WRAP53: variants seen among roughly 807,000 people sequenced by gnomAD.
WRAP53 encodes telomerase Cajal body protein 1.
A neutral mutation model predicts 56.6 loss-of-function variants in WRAP53; 28 were observed. The observed-to-expected ratio is 0.50, with a 90% confidence interval of 0.37 to 0.68. WRAP53 has a LOEUF of 0.68. WRAP53 is among the 30% of genes least tolerant of loss of function. WRAP53 has a pLI of 0.00. For synonymous variants in WRAP53, 283 were observed against 283.4 expected (o/e 1.00, Z 0.01); for missense variants, 671 against 715.5 (o/e 0.94, Z 0.71).
intron 4 of WRAP53, among the ~76,000 whole-genome samples, chr17:7,692,297 T>G (rs1008256065): frequency 6.6e-6 from 1 of 151,668 alleles, no homozygotes; most frequent in Non-Finnish European, 1.5e-5. Flanking sequence ...CTGGCCAACA[T>G]GGTAAAACCC....
intron 4 of WRAP53, among the ~76,000 whole-genome samples, chr17:7,691,770 C>T (rs1289109633): frequency 6.6e-6 from 1 of 151,834 alleles, no homozygotes; most frequent in Non-Finnish European, 1.5e-5. Context: ...GGTGATCCAC[C>T]TGCCTCAGCC....
At chr17:7,696,573 C>G (rs1467813494) in intron 4 of WRAP53, among the ~76,000 whole-genome samples, 1 of 152,170 alleles carries the variant, frequency 6.6e-6, no homozygotes, top group Non-Finnish European at 1.5e-5. Flanking sequence ...GCTGGGATTA[C>G]TGGCGTGAGC....
Position 7,701,565 on chromosome 17 carries a change from C to T in WRAP53, c.822+16C>T. The T allele has an allele frequency of 1.2e-6, 2 of 1,614,246 alleles. No homozygotes were observed. Among genetic ancestry groups the T allele is most frequent in the Non-Finnish European group, 8.5e-7 (1 of 1,180,024 alleles). On this transcript the variant is annotated intron_variant, in intron 6 of 10. Coordinates refer to ENST00000396463, the MANE Select transcript of WRAP53 (RefSeq NM_001143992.2). The surrounding 1 kb of genome is among the most constrained non-coding windows in gnomAD (Gnocchi z 4.2). ...CAACCACCTGGTAGGGACCGCCATA[C>T]TCAGCCCCAGCACTCGTACTGGCCC...
chr17:7,689,289 C>T lies in WRAP53; in HGVS notation c.497C>T (p.Thr166Ile), dbSNP rs1443516115. 1.9e-6 allele frequency: 3 copies of T among 1,614,086 alleles called. No individual in the cohort carries two copies. In the South Asian group the frequency reaches 3.3e-5, roughly 18 times the overall value. Residue 166 changes from threonine (T) to isoleucine (I), a missense_variant, in exon 3 of 11, where the codon ACC becomes ATC. Transcript: ENST00000396463. Reference protein sequence around the residue: ...FLSGSWSEFSTQPENFLKGCK... With the variant: ...FLSGSWSEFSIQPENFLKGCK... Reference sequence around the variant, plus strand: ...AGTGGTTCCTGGTCAGAGTTCAGCACCCAACCTGAGAACTTCTTGAAAGGC... The same window carrying T: ...AGTGGTTCCTGGTCAGAGTTCAGCATCCAACCTGAGAACTTCTTGAAAGGC...
chr17:7,687,590 C>T, upstream of WRAP53: 1 of 398,826 alleles, frequency 2.5e-6, no homozygotes, highest in East Asian at 3.6e-5. Flanking sequence ...GGACAGTCGC[C>T]ATGACAAGTA....
upstream of WRAP53, chr17:7,687,045 T>C (rs2074007560): frequency 2.9e-6 from 1 of 339,882 alleles, no homozygotes; most frequent in Non-Finnish European, 5.3e-6. Flanking sequence ...GTGCATCTTT[T>C]ATTTCAGGGA....
rs1189661736 is a variant in WRAP53, at chr17:7,702,877, G to T, written c.1268+31G>T. 3 of 1,613,024 alleles carry T rather than the reference G, an allele frequency of 1.9e-6. No individual in the cohort carries two copies. In the African/African-American group the frequency reaches 4.0e-5, roughly 22 times the overall value. ...TGGCTGTGACTCCTTCCTACACAGG[G>T]CCCTGATAAGCCTAGGAATGCCAGA... On this transcript the variant is annotated intron_variant, in intron 9 of 10. Coordinates refer to ENST00000396463, the MANE Select transcript of WRAP53 (RefSeq NM_001143992.2). The surrounding 1 kb of genome is among the most constrained non-coding windows in gnomAD (Gnocchi z 5.0).
intron 4 of WRAP53, 77 bp downstream of exon 4, chr17:7,689,778 C>A: frequency 8.4e-7 from 1 of 1,195,624 alleles, no homozygotes; most frequent in Non-Finnish European, 1.2e-6. Context: ...AAGTGTAGTC[C>A]AAGTGTTTCC....
intron 2 of WRAP53, 47 bp from the exon 3 acceptor site, chr17:7,689,177 C>T (rs746990787): frequency 6.2e-7 from 1 of 1,613,440 alleles, no homozygotes. Context: ...GGCCTCTGCC[C>T]CCTTTGCTTG....
Position 7,688,662 on chromosome 17 carries a change from A to C in WRAP53, c.14A>C (p.Glu5Ala), listed in dbSNP as rs752687945. 2 of 1,614,054 alleles carry C rather than the reference A, an allele frequency of 1.2e-6. No individual in the cohort carries two copies. The highest frequency in any genetic ancestry group is 1.3e-5 in the African/African-American group (1 of 74,914). MKTL[E>A]TQPLAPDCCP... ...TTCCTCTGCAGTATGAAGACTTTGG[A>C]GACTCAACCGTTAGCTCCGGACTGC... Residue 5 changes from glutamate to alanine, a missense_variant, in exon 2 of 11, where the codon GAG becomes GCG. Around this residue, in one of 3 missense-constraint regions of WRAP53, gnomAD observed 406 missense variants for 418.5 expected, o/e 0.97. Transcript: ENST00000396463.
chr17:7,700,935 G>A (rs2151095818), intron 5 of WRAP53, 106 bp downstream of exon 5: 2 of 847,366 alleles, frequency 2.4e-6, no homozygotes. Flanking sequence ...GGAAGGCTTG[G>A]CATGCTTATC....
chr17:7,699,597 G>C (rs555622960), intron 4 of WRAP53, among the ~76,000 whole-genome samples: 146 of 136,158 alleles, frequency 1.1e-3, no homozygotes, highest in African/African-American at 3.6e-3. Flanking sequence ...CTGAGGGAGA[G>C]TTTCTGTTAG....
Position 7,694,300 on chromosome 17 carries a change from G to A in WRAP53, c.642+4599G>A, listed in dbSNP as rs1456491537. On this transcript the variant is annotated intron_variant, in intron 4 of 10. Coordinates refer to ENST00000396463, the MANE Select transcript of WRAP53 (RefSeq NM_001143992.2). Reference sequence around the variant, plus strand: ...GCTCTGTGGCCCAGGCTGGAGAGCAGTGGTGTGATCTTGCCTCACTGCAAC... The same window carrying A: ...GCTCTGTGGCCCAGGCTGGAGAGCAATGGTGTGATCTTGCCTCACTGCAAC... Among the ~76,000 whole-genome samples, 6 of 142,064 alleles carry A rather than the reference G, an allele frequency of 4.2e-5. No homozygotes were observed. In the Admixed American group the frequency reaches 4.3e-4, roughly 10 times the overall value. The allele number at this position is 142,064 out of a possible 152,430, so 93.2% of individuals were successfully genotyped here.
Position 7,702,711 on chromosome 17 carries a change from G to T in WRAP53, c.1165-32G>T. The stretch of plus-strand genomic sequence containing the variant: ...GAGGCAGGGACATCCAGGGCTTTGG[G>T]GGTGACTCCAGGTCCTGTTCCTTGT... On this transcript the variant is annotated intron_variant, in intron 8 of 10. Coordinates refer to ENST00000396463, the MANE Select transcript of WRAP53 (RefSeq NM_001143992.2). The surrounding 1 kb of genome is among the most constrained non-coding windows in gnomAD (Gnocchi z 5.0). 6.2e-7 allele frequency: 1 copy of T among 1,610,750 alleles called. No individual in the cohort carries two copies. Among genetic ancestry groups the T allele is most frequent in the Non-Finnish European group, 8.5e-7 (1 of 1,179,228 alleles).
At chr17:7,699,126 A>C (rs1378825218) in intron 4 of WRAP53, among the ~76,000 whole-genome samples, 2 of 151,254 alleles carry the variant, frequency 1.3e-5, no homozygotes, top group Non-Finnish European at 2.9e-5. Flanking sequence ...TTCCCATATG[A>C]ATATACTCCT....
chr17:7,686,578 G>A (rs537864949), upstream of WRAP53: 4 of 152,366 alleles, frequency 2.6e-5, no homozygotes, highest in East Asian at 7.7e-4. Context: ...CAAGTAAGAG[G>A]AACCGGCCTA....
Position 7,703,311 on chromosome 17 carries a change from G to T in WRAP53, c.1472G>T (p.Ser491Ile), listed in dbSNP as rs1274290048. Residue 491 changes from serine to isoleucine, a missense_variant, in exon 11 of 11, where the codon AGT becomes ATT. Physicochemically the swap from Ser to Ile is moderately radical, Grantham distance 142 (BLOSUM62 -2). Transcript: ENST00000396463. ...GQRVFPEPTE[S>I]GDEGEELGLP... ...CGTGTGTTTCCTGAGCCCACAGAGA[G>T]TGGGGACGAAGGAGAGGAGCTGGGC... is the stretch of plus-strand genomic sequence containing the variant. 5.6e-6 allele frequency: 9 copies of T among 1,613,860 alleles called. No individual in the cohort carries two copies. The South Asian group carries it at 9.9e-5, about 18-fold the overall frequency.
At chr17:7,691,997 C>T (rs544463105) in intron 4 of WRAP53, among the ~76,000 whole-genome samples, 5 of 151,982 alleles carry the variant, frequency 3.3e-5, no homozygotes, top group East Asian at 2.0e-4. Flanking sequence ...CCACCACACC[C>T]GGCTAATTTT....
rs1470442329 is a variant in WRAP53, at chr17:7,689,264, A to G, written c.472A>G (p.Ser158Gly). The G allele has an allele frequency of 6.2e-7, 1 of 1,613,930 alleles. No homozygotes were observed. The highest frequency in any genetic ancestry group is 1.3e-5 in the African/African-American group (1 of 74,938). ...YSFSQLPRFL[S>G]GSWSEFSTQP... The stretch of plus-strand genomic sequence containing the variant: ...CTTCTCCCAGCTGCCTCGATTTCTC[A>G]GTGGTTCCTGGTCAGAGTTCAGCAC... The change falls in exon 3 of 11, where the codon AGT becomes GGT. Residue 158 changes from serine (S) to glycine (G), a missense_variant. Ser to Gly is a moderately conservative substitution (Grantham distance 56). This residue lies in a region of WRAP53 where 406 missense variants were observed against 418.5 expected (regional missense o/e 0.97). Coordinates refer to ENST00000396463, the MANE Select transcript of WRAP53 (RefSeq NM_001143992.2).
Sources: allele counts gnomAD v4.1 joint callset (sites outside exome capture counted in the v4.1 genomes callset), GRCh38; gene constraint gnomAD v4.1.1; regional missense constraint gnomAD v4.1.1; non-coding constraint Gnocchi (gnomAD v3.1); transcripts MANE v1.5; gene names NCBI Gene and HGNC (gene_info 2026-07-23, HGNC 2026-07-21).